The following CNTNAP5 variants were observed in gnomAD, a reference collection of about 807,000 sequenced individuals.
CNTNAP5 encodes contactin-associated protein-like 5.
A neutral mutation model predicts 150.2 loss-of-function variants in CNTNAP5; 72 were observed. The observed-to-expected ratio is 0.48, with a 90% CI of 0.40 to 0.58. The LOEUF (loss-of-function observed/expected upper bound fraction) is 0.58, where lower values mean the gene tolerates loss of function less well. Among genes scored for constraint, CNTNAP5 ranks in the 20% least tolerant of loss-of-function variants. The pLI, the probability that CNTNAP5 is intolerant of heterozygous loss-of-function variation, is 0.00. For missense variants in CNTNAP5, 1,636 were observed against 1,626.2 expected (o/e 1.01, Z -0.10); for synonymous variants, 672 against 619.8 (o/e 1.08, Z -1.25).
chr2:124,094,068 G>A (rs1682876107), intron 1 of CNTNAP5, among the ~76,000 whole-genome samples: 1 of 152,218 alleles, frequency 6.6e-6, no homozygotes, highest in Admixed American at 6.5e-5. Context: ...ACAGACTAAA[G>A]GGAGGGAATG....
intron 5 of CNTNAP5, among the ~76,000 whole-genome samples, chr2:124,435,707 A>G (rs1692515365): frequency 6.6e-6 from 1 of 152,218 alleles, no homozygotes; most frequent in Non-Finnish European, 1.5e-5. Context: ...CCACAGTTAA[A>G]TACATTTTAG....
intron 1 of CNTNAP5, among the ~76,000 whole-genome samples, chr2:124,058,942 A>T (rs1411605261): frequency 6.6e-6 from 1 of 152,052 alleles, no homozygotes; most frequent in Non-Finnish European, 1.5e-5. Flanking sequence ...TTCCCCTGGT[A>T]CTCTTTAAAG....
chr2:124,085,703 T>TCG (rs1270720282), intron 1 of CNTNAP5, among the ~76,000 whole-genome samples: 1 of 152,226 alleles, frequency 6.6e-6, no homozygotes, highest in East Asian at 1.9e-4. Context: ...GGTTGTATCT[T>TCG]CACTGTCAAT....
intron 19 of CNTNAP5, among the ~76,000 whole-genome samples, chr2:124,799,927 G>A (rs558268754): frequency 6.6e-6 from 1 of 150,934 alleles, no homozygotes; most frequent in South Asian, 2.1e-4. Flanking sequence ...ACAAGAGAGA[G>A]GGGGAAACAC....
At chr2:124,373,274 T>C (rs1276581757) in intron 3 of CNTNAP5, among the ~76,000 whole-genome samples, 1 of 152,124 alleles carries the variant, frequency 6.6e-6, no homozygotes, top group Non-Finnish European at 1.5e-5. Flanking sequence ...CTGTATAAAT[T>C]GGAAACAACA....
At chr2:124,658,837 G>T (rs1037938599) in intron 13 of CNTNAP5, among the ~76,000 whole-genome samples, 2 of 152,192 alleles carry the variant, frequency 1.3e-5, no homozygotes, top group Non-Finnish European at 2.9e-5. Flanking sequence ...GAGGTTAATG[G>T]GTCTGCATAG....
intron 12 of CNTNAP5, among the ~76,000 whole-genome samples, chr2:124,610,835 T>C (rs1677363295): frequency 6.6e-6 from 1 of 151,790 alleles, no homozygotes; most frequent in South Asian, 2.1e-4. Flanking sequence ...GGCATGTGAC[T>C]AATCCCAACT....
intron 19 of CNTNAP5, among the ~76,000 whole-genome samples, chr2:124,830,846 A>G (rs1257031759): frequency 1.3e-5 from 2 of 152,042 alleles, no homozygotes; most frequent in Admixed American, 1.3e-4. Context: ...AAAAAGTTAT[A>G]TCTTCTCAAG....
chr2:124,749,596 A>G (rs539617309), intron 14 of CNTNAP5, among the ~76,000 whole-genome samples: 1 of 152,068 alleles, frequency 6.6e-6, no homozygotes, highest in African/African-American at 2.4e-5. Context: ...GCTAAGGTTT[A>G]GTACAGACGG....
At chr2:124,358,444 C>A (rs1173478226) in intron 3 of CNTNAP5, among the ~76,000 whole-genome samples, 1 of 152,158 alleles carries the variant, frequency 6.6e-6, no homozygotes, top group Non-Finnish European at 1.5e-5. Flanking sequence ...GTGGGTGTGT[C>A]ATAGATAGCT....
chr2:124,734,905 G>C (rs1339526494), intron 13 of CNTNAP5, among the ~76,000 whole-genome samples: 1 of 152,164 alleles, frequency 6.6e-6, no homozygotes, highest in Non-Finnish European at 1.5e-5. Flanking sequence ...CTTGTAATTA[G>C]TGATTCTAAA....
At chr2:124,539,398 G>A (rs1375193265) in intron 10 of CNTNAP5, among the ~76,000 whole-genome samples, 1 of 152,144 alleles carries the variant, frequency 6.6e-6, no homozygotes. Context: ...CCCAAAGGAA[G>A]CATCAGTCTC....
chr2:124,438,146 A>C (rs1245017196), intron 5 of CNTNAP5, among the ~76,000 whole-genome samples: 1 of 152,152 alleles, frequency 6.6e-6, no homozygotes, highest in African/African-American at 2.4e-5. Flanking sequence ...AGACAGTTCT[A>C]TGGCAAAATT....
intron 7 of CNTNAP5, among the ~76,000 whole-genome samples, chr2:124,503,350 A>G (rs1367489231): frequency 1.3e-5 from 2 of 152,148 alleles, no homozygotes; most frequent in African/African-American, 4.8e-5. Context: ...CTGCTCTGGA[A>G]CTGAGAACTG....
chr2:124,755,848 T>TA (rs1458778911), intron 14 of CNTNAP5, among the ~76,000 whole-genome samples: 1 of 152,218 alleles, frequency 6.6e-6, no homozygotes, highest in Non-Finnish European at 1.5e-5. Context: ...TTTCTGGATA[T>TA]AAAATGTAAT....
At chr2:124,506,930 T>C (rs577733578) in intron 8 of CNTNAP5, among the ~76,000 whole-genome samples, 30 of 152,090 alleles carry the variant, frequency 2.0e-4, no homozygotes, top group Non-Finnish European at 4.0e-4. Context: ...AAAATCCACT[T>C]CCACATGTAG....
At chr2:124,843,383 A>G (rs776948358) in intron 19 of CNTNAP5, among the ~76,000 whole-genome samples, 17 of 150,500 alleles carry the variant, frequency 1.1e-4, no homozygotes, top group Non-Finnish European at 2.1e-4. Flanking sequence ...ATGACTTTTT[A>G]TGGCTGAGTA....
intron 1 of CNTNAP5, among the ~76,000 whole-genome samples, chr2:124,068,318 T>G (rs903559952): frequency 2.0e-5 from 3 of 152,116 alleles, no homozygotes; most frequent in African/African-American, 7.2e-5. Context: ...GACTTTGCAT[T>G]GAACTCAGTG....
At chr2:124,171,250 G>A (rs577574542) in intron 1 of CNTNAP5, among the ~76,000 whole-genome samples, 7 of 152,188 alleles carry the variant, frequency 4.6e-5, no homozygotes, top group East Asian at 3.9e-4. Flanking sequence ...AAGCTGCTTC[G>A]TGTCCTTCAG....
Sources: allele counts gnomAD v4.1 joint callset (sites outside exome capture counted in the v4.1 genomes callset), GRCh38; gene constraint gnomAD v4.1.1; transcripts MANE v1.5; gene names NCBI Gene and HGNC (gene_info 2026-07-23, HGNC 2026-07-21).